The following AFF2 variants were observed in gnomAD, a reference collection of about 807,000 sequenced individuals.
The protein encoded by AFF2 is AF4/FMR2 family member 2.
In AFF2, 14 loss-of-function variants were observed where a neutral mutation model predicts 76.9. That is an observed-to-expected ratio of 0.18 (90% CI 0.12 to 0.28). The LOEUF is 0.28. AFF2 is among the 10% of genes least tolerant of loss of function. AFF2 has a pLI of 1.00. For missense variants in AFF2, 868 were observed against 1,001.1 expected (o/e 0.87, Z 1.79); for synonymous variants, 398 against 366.7 (o/e 1.09, Z -0.98).
At chrX:148,845,141 ACACG>A (rs201015535) in intron 7 of AFF2, among the ~76,000 whole-genome samples, 7,840 of 55,974 alleles carry the variant, frequency 0.14, 266 homozygotes, top group Non-Finnish European at 0.25. Context: ...ACACACACAC[ACACG>A]CACACTCACA....
intron 1 of AFF2, among the ~76,000 whole-genome samples, chrX:148,627,116 T>C (rs1557252217): frequency 9.0e-6 from 1 of 111,248 alleles, no homozygotes; most frequent in Admixed American, 9.6e-5. Flanking sequence ...GAGACTGATG[T>C]TGGGGAATTA....
intron 3 of AFF2, among the ~76,000 whole-genome samples, chrX:148,776,336 T>C (rs782612564): frequency 8.9e-6 from 1 of 112,329 alleles, no homozygotes; most frequent in East Asian, 2.8e-4. Flanking sequence ...GTATGTGTCA[T>C]TATAGTAGAA....
intron 3 of AFF2, among the ~76,000 whole-genome samples, chrX:148,792,684 A>G (rs1167519634): frequency 2.7e-5 from 3 of 112,118 alleles, no homozygotes; most frequent in African/African-American, 6.5e-5. Context: ...TTTCTCTAGG[A>G]TGGACTAAGC....
At chrX:148,885,715 T>C (rs1281254596) in intron 7 of AFF2, among the ~76,000 whole-genome samples, 174 bp from the exon 8 acceptor site, 7 of 111,941 alleles carry the variant, frequency 6.3e-5, no homozygotes, top group African/African-American at 6.5e-5. Flanking sequence ...ATGATATAAA[T>C]ATAAGAGCTC....
chrX:148,718,420 C>T (rs1389023445), intron 3 of AFF2, among the ~76,000 whole-genome samples: 2 of 110,782 alleles, frequency 1.8e-5, no homozygotes, highest in Non-Finnish European at 3.8e-5. Flanking sequence ...GGACTAGAAG[C>T]GTGGATTTGG....
In AFF2 at chrX:148,962,832, C is replaced by T; in HGVS notation, c.2808C>T (p.Pro936=). The change falls in exon 13 of 21, where the codon CCC becomes CCT. Residue 936 remains proline (P), a synonymous_variant. Transcript: ENST00000370460. ...RRRNVSGNNG[P]FGQDKNIAMT... The stretch of plus-strand genomic sequence containing the variant: ...GAAATGTCAGTGGCAATAATGGTCC[C>T]TTTGGTCAAGACAAAAACATCGCCA... 8.3e-7 allele frequency: 1 copy of T among 1,210,689 alleles called. No homozygotes were observed. Among genetic ancestry groups the T allele is most frequent in the Non-Finnish European group, 1.1e-6 (1 of 894,371 alleles).
At chrX:148,987,039 T>C (rs372031820) in intron 19 of AFF2, among the ~76,000 whole-genome samples, 1 of 111,040 alleles carries the variant, frequency 9.0e-6, no homozygotes, top group African/African-American at 3.3e-5. Context: ...CCTCATTCTA[T>C]AGTGTGGCAC....
chrX:148,589,053 G>A (rs782734572), intron 1 of AFF2, among the ~76,000 whole-genome samples: 20 of 110,003 alleles, frequency 1.8e-4, no homozygotes, highest in Admixed American at 1.2e-3. Flanking sequence ...CAGGTCTCTC[G>A]GTGCAGTGAC....
rs2070545361 is a variant in AFF2 at position 148,837,731 on chromosome X, C to T, written c.1171C>T (p.Gln391Ter). 7 of 1,154,945 alleles carry T rather than the reference C, an allele frequency of 6.1e-6. No homozygotes were observed. The East Asian group carries it at 1.2e-4, about 20-fold the overall frequency. The change falls in exon 5 of 21, where the codon CAG becomes TAG. Residue 391 changes from glutamine (Q) to a stop codon, truncating the protein, a stop_gained and splice_region_variant. Transcript: ENST00000370460. LOFTEE classifies it high-confidence loss of function. Reference sequence around the variant, plus strand: ...GCAGAGCACCTTTTCCATCCCAGGACAGGTCAGTTCTCTTCCTTCCTGCAT... The same window carrying T: ...GCAGAGCACCTTTTCCATCCCAGGATAGGTCAGTTCTCTTCCTTCCTGCAT... ...SEQSTFSIPG[Q>*]ESQHLTPGFT...
intron 3 of AFF2, among the ~76,000 whole-genome samples, chrX:148,723,700 G>A (rs185327545): frequency 1.8e-5 from 2 of 110,571 alleles, no homozygotes; most frequent in Admixed American, 1.9e-4. Flanking sequence ...AAGATGAAAT[G>A]CTGGAATGCC....
At position 148,882,995 on chromosome X, in the gene AFF2, G is replaced by A. The variant is rs375776631; in HGVS notation, c.1263-2894G>A. ...AAGCTTGTTGCATGGTGGGGATGTG[G>A]GGAGGTTGTTTAATGTGGATCGCTG... On this transcript the variant is annotated intron_variant, in intron 7 of 20. Transcript: ENST00000370460. Among the ~76,000 whole-genome samples the A allele has an allele frequency of 8.1e-5, 9 of 111,471 alleles. No individual in the cohort carries two copies. The East Asian group carries it at 1.7e-3, about 21-fold the overall frequency.
rs1356983503 is a variant in AFF2 at position 148,991,868 on chromosome X, A to C, written c.*536A>C. 2.7e-5 allele frequency: 3 copies of C among 112,514 alleles called. No homozygotes were observed. Among genetic ancestry groups the C allele is most frequent in the African/African-American group, 9.7e-5 (3 of 30,927 alleles). The allele number at this position is 112,514 out of a possible 1,213,427, so 9.3% of individuals were successfully genotyped here. A position where few individuals can be genotyped will look rare whatever the true frequency, so the allele number is the denominator to read the frequency against. On this transcript the variant is annotated 3_prime_UTR_variant, in exon 21 of 21. Coordinates refer to ENST00000370460, the MANE Select transcript of AFF2 (RefSeq NM_002025.4). ...AAACCCACTGGTTAGATGTTGTAGC[A>C]ACATCATAAAATCAAGAGTATCAAG...
intron 3 of AFF2, among the ~76,000 whole-genome samples, chrX:148,664,680 C>T (rs781856376): frequency 6.2e-5 from 7 of 112,477 alleles, no homozygotes; most frequent in South Asian, 7.3e-4. Flanking sequence ...GTATCCCAAG[C>T]GCCTAGCAAA....
At chrX:148,890,716 T>C (rs2071213366) in intron 8 of AFF2, among the ~76,000 whole-genome samples, 1 of 111,519 alleles carries the variant, frequency 9.0e-6, no homozygotes, top group South Asian at 3.8e-4. Context: ...GGGTGGAGAG[T>C]TGATTCATAC....
chrX:149,000,414 A>G lies in AFF2; in HGVS notation c.*9082A>G, dbSNP rs182871110. On this transcript the variant is annotated 3_prime_UTR_variant, in exon 21 of 21. Transcript: ENST00000370460. The stretch of plus-strand genomic sequence containing the variant: ...GTTTCATGTGCTTTATGTGTATAAA[A>G]CTATATCTGCCTGTGTGGCTTTGCA... The G allele has an allele frequency of 8.9e-6, 1 of 112,879 alleles. No individual in the cohort carries two copies. The highest frequency in any genetic ancestry group is 2.8e-4 in the East Asian group (1 of 3,596). The allele number at this position is 112,879 out of a possible 1,213,427, so 9.3% of individuals were successfully genotyped here.
In AFF2 at chrX:148,827,267, T is replaced by G. The variant is rs190065037; in HGVS notation, c.1087-10380T>G. ...TCCACGAAAATAGATATTACTTCTT[T>G]ATTCCCCAGCAATTGAGCCTTTGTC... On this transcript the variant is annotated intron_variant, in intron 4 of 20. Transcript: ENST00000370460. Among the ~76,000 whole-genome samples the G allele has an allele frequency of 5.1e-3, 569 of 111,906 alleles. 13 individuals carry two copies. Among genetic ancestry groups the G allele is most frequent in the Non-Finnish European group, 5.9e-3 (313 of 53,142 alleles).
At chrX:148,938,339 T>A (rs1557285230) in intron 9 of AFF2, among the ~76,000 whole-genome samples, 1 of 112,435 alleles carries the variant, frequency 8.9e-6, no homozygotes, top group African/African-American at 3.2e-5. Flanking sequence ...AAGATCATTT[T>A]GCTAAGCAGC....
intron 7 of AFF2, among the ~76,000 whole-genome samples, chrX:148,884,338 A>T (rs1410327750): frequency 8.9e-6 from 1 of 112,395 alleles, no homozygotes; most frequent in African/African-American, 3.2e-5. Context: ...TTCTAGTGTT[A>T]TGTGACTGAG....
At chrX:148,880,637 AATG>A (rs1379029358) in intron 7 of AFF2, among the ~76,000 whole-genome samples, 2 of 111,814 alleles carry the variant, frequency 1.8e-5, no homozygotes, top group Non-Finnish European at 3.8e-5. Flanking sequence ...TTAGAAAGAC[AATG>A]ATAATTTAAA....
Sources: gnomAD v4.1 joint callset for allele counts (sites outside exome capture counted in the v4.1 genomes callset) on GRCh38, gnomAD v4.1.1 for gene constraint, MANE v1.5 for transcripts, NCBI Gene and HGNC (gene_info 2026-07-23, HGNC 2026-07-21) for gene names.